Variants in NELL1 observed in about 807,000 individuals in gnomAD.
NELL1 encodes the protein neural EGFL like 1, also known as protein kinase C-binding protein NELL1.
A neutral mutation model predicts 107.4 loss-of-function variants in NELL1; 76 were observed. The observed-to-expected ratio is 0.71, with a 90% CI of 0.59 to 0.86. The LOEUF (loss-of-function observed/expected upper bound fraction) is 0.86. Among genes scored for constraint, NELL1 ranks in the 40% least tolerant of loss-of-function variants. The pLI, the probability that NELL1 is intolerant of heterozygous loss-of-function variation, is 0.00. For missense variants in NELL1, 1,024 were observed against 1,005.5 expected (o/e 1.02, Z -0.25); for synonymous variants, 353 against 341.2 (o/e 1.03, Z -0.38).
At chr11:21,044,065 A>G (rs2134336889) in intron 12 of NELL1, among the ~76,000 whole-genome samples, 1 of 152,262 alleles carries the variant, frequency 6.6e-6, no homozygotes, top group South Asian at 2.1e-4. Flanking sequence ...AAAATGCTTG[A>G]GATTGGCAGA....
At chr11:21,394,070 G>A (rs765650590) in intron 15 of NELL1, among the ~76,000 whole-genome samples, 1 of 151,594 alleles carries the variant, frequency 6.6e-6, no homozygotes, top group Admixed American at 6.6e-5. Flanking sequence ...ATAGGCAAAA[G>A]GTCAATCACT....
intron 13 of NELL1, among the ~76,000 whole-genome samples, chr11:21,114,652 T>G (rs1590650220): frequency 6.6e-6 from 1 of 152,004 alleles, no homozygotes; most frequent in East Asian, 1.9e-4. Context: ...GTGATGTCTA[T>G]TTATAAGTTA....
At chr11:21,214,551 G>A (rs1408480990) in intron 13 of NELL1, among the ~76,000 whole-genome samples, 1 of 152,142 alleles carries the variant, frequency 6.6e-6, no homozygotes, top group Non-Finnish European at 1.5e-5. Context: ...TCAGGTGTCA[G>A]TTAGGGTATG....
At chr11:20,914,862 A>G (rs1468621540) in intron 5 of NELL1, among the ~76,000 whole-genome samples, 1 of 152,024 alleles carries the variant, frequency 6.6e-6, no homozygotes, top group Admixed American at 6.6e-5. Context: ...GAAAGTATCA[A>G]AATGACCTCA....
chr11:20,880,858 C>T (rs1483455294), intron 4 of NELL1, among the ~76,000 whole-genome samples: 1 of 152,046 alleles, frequency 6.6e-6, no homozygotes, highest in Non-Finnish European at 1.5e-5. Flanking sequence ...CTCCAGGCAG[C>T]TGAAAGGGAG....
intron 15 of NELL1, among the ~76,000 whole-genome samples, chr11:21,508,062 G>C (rs983608749): frequency 1.3e-5 from 2 of 152,074 alleles, no homozygotes; most frequent in Non-Finnish European, 2.9e-5. Context: ...GGGATTACAG[G>C]TGTGAGCTAC....
intron 4 of NELL1, among the ~76,000 whole-genome samples, chr11:20,862,964 C>G (rs2134076053): frequency 6.6e-6 from 1 of 152,316 alleles, no homozygotes; most frequent in South Asian, 2.1e-4. Context: ...AAGAATTTTT[C>G]TTAGTACAGA....
intron 2 of NELL1, among the ~76,000 whole-genome samples, chr11:20,761,674 G>C (rs1264226864): frequency 1.3e-5 from 2 of 152,166 alleles, no homozygotes; most frequent in Non-Finnish European, 2.9e-5. Flanking sequence ...ACTTTAAAAT[G>C]TCTTCTTGCT....
intron 15 of NELL1, among the ~76,000 whole-genome samples, chr11:21,428,367 G>A (rs796282362): frequency 3.6e-4 from 55 of 152,182 alleles, no homozygotes; most frequent in African/African-American, 1.3e-3. Flanking sequence ...TAAAACAAAA[G>A]GGTTTTCTGG....
rs190846732 is a variant in NELL1 at position 21,502,140 on chromosome 11, G to A, written c.1646-32234G>A. On this transcript the variant is annotated intron_variant, in intron 15 of 19. Coordinates refer to ENST00000357134, the MANE Select transcript of NELL1 (RefSeq NM_006157.5). ...TCTTGATAGTATTATAAATAATGGA[G>A]GTAAAAGATTGTATGATTAAAATCC... Among the ~76,000 whole-genome samples, 4 of 152,198 alleles carry A rather than the reference G, an allele frequency of 2.6e-5. No individual in the cohort carries two copies. In the East Asian group the frequency reaches 5.8e-4, roughly 22 times the overall value.
chr11:20,845,691 G>A (rs1263017875), intron 3 of NELL1, among the ~76,000 whole-genome samples: 1 of 152,118 alleles, frequency 6.6e-6, no homozygotes, highest in East Asian at 1.9e-4. Context: ...TGATGTCTAT[G>A]AAAGCACTTG....
chr11:21,508,862 T>C (rs1274731645), intron 15 of NELL1, among the ~76,000 whole-genome samples: 1 of 152,042 alleles, frequency 6.6e-6, no homozygotes, highest in Admixed American at 6.5e-5. Flanking sequence ...TTTAGTTAAA[T>C]AAAGGCTTAA....
At chr11:20,931,138 G>C (rs1850609013) in intron 9 of NELL1, among the ~76,000 whole-genome samples, 2 of 152,062 alleles carry the variant, frequency 1.3e-5, no homozygotes, top group Admixed American at 1.3e-4. Flanking sequence ...TCAAGGTAGA[G>C]ACGTGGTTTA....
chr11:21,098,304 A>G (rs1302367612), intron 12 of NELL1, among the ~76,000 whole-genome samples: 1 of 152,086 alleles, frequency 6.6e-6, no homozygotes, highest in East Asian at 1.9e-4. Flanking sequence ...ATTACTTATC[A>G]CCTTCTTGTG....
intron 16 of NELL1, among the ~76,000 whole-genome samples, chr11:21,551,247 A>G (rs1391765992): frequency 1.3e-5 from 2 of 152,028 alleles, no homozygotes; most frequent in African/African-American, 4.8e-5. Flanking sequence ...TTGGACTGAG[A>G]CCATAGGGTT....
intron 15 of NELL1, among the ~76,000 whole-genome samples, chr11:21,498,331 T>TA (rs1183208923): frequency 2.1e-5 from 2 of 95,676 alleles, no homozygotes; most frequent in East Asian, 6.8e-4. Context: ...TCCATAAACA[T>TA]ATTATATATA....
At chr11:21,482,780 T>G (rs1343795504) in intron 15 of NELL1, among the ~76,000 whole-genome samples, 1 of 150,990 alleles carries the variant, frequency 6.6e-6, no homozygotes, top group Admixed American at 6.6e-5. Context: ...AAAGAAAAAC[T>G]GTGACAGTGC....
At position 21,220,129 on chromosome 11, in the gene NELL1, G is replaced by A. The variant is rs117836723; in HGVS notation, c.1427-9203G>A. Among the ~76,000 whole-genome samples the A allele has an allele frequency of 1.8e-3, 270 of 152,280 alleles. 4 individuals are homozygous for A. In the East Asian group the frequency reaches 0.038, roughly 22 times the overall value. On this transcript the variant is annotated intron_variant, in intron 13 of 19. Transcript: ENST00000357134. The stretch of plus-strand genomic sequence containing the variant: ...AACACTGAGGTTTACAATTCGACAT[G>A]AGGTTTGGGCAGGGACACAAATCCA...
chr11:21,521,773 AT>A (rs1272324891), intron 15 of NELL1, among the ~76,000 whole-genome samples: 1 of 152,094 alleles, frequency 6.6e-6, no homozygotes, highest in African/African-American at 2.4e-5. Context: ...ACATTTGTTA[AT>A]TTTTGTCTTA....
Sources: gnomAD v4.1 joint callset for allele counts (sites outside exome capture counted in the v4.1 genomes callset) on GRCh38, gnomAD v4.1.1 for gene constraint, MANE v1.5 for transcripts, NCBI Gene and HGNC (gene_info 2026-07-23, HGNC 2026-07-21) for gene names.